Variants in CHKA observed in about 807,000 individuals in gnomAD.
The protein encoded by CHKA is choline kinase alpha.
A neutral mutation model predicts 60.1 loss-of-function variants in CHKA; 34 were observed. The observed-to-expected ratio is 0.57, with a 90% CI of 0.43 to 0.75. CHKA has a LOEUF of 0.75. CHKA is among the 30% of genes least tolerant of loss of function. The pLI is 0.00. For synonymous variants in CHKA, 217 were observed against 223.1 expected (o/e 0.97, Z 0.24); for missense variants, 563 against 561.3 (o/e 1.00, Z -0.03).
At chr11:68,113,473 G>A (rs1858257947) in intron 1 of CHKA, among the ~76,000 whole-genome samples, 1 of 152,046 alleles carries the variant, frequency 6.6e-6, no homozygotes, top group South Asian at 2.1e-4. Context: ...GAGGTGGGCA[G>A]ATCACGTGGG....
intron 1 of CHKA, among the ~76,000 whole-genome samples, chr11:68,113,568 C>T (rs867786855): frequency 4.6e-5 from 7 of 151,948 alleles, no homozygotes; most frequent in African/African-American, 2.4e-5. Context: ...TGGTGGCAGG[C>T]GCCTGTAATC....
At chr11:68,113,687 T>A (rs1858267834) in intron 1 of CHKA, among the ~76,000 whole-genome samples, 2 of 143,930 alleles carry the variant, frequency 1.4e-5, no homozygotes. Flanking sequence ...AGAGCAAGAC[T>A]CTGTCTCAAA....
chr11:68,082,671 T>C (rs745518882), intron 2 of CHKA, among the ~76,000 whole-genome samples: 5 of 152,256 alleles, frequency 3.3e-5, no homozygotes, highest in Admixed American at 6.5e-5. Flanking sequence ...AATGCATGTT[T>C]TGTATAAACA....
chr11:68,075,336 T>C (rs1361494528), intron 3 of CHKA, among the ~76,000 whole-genome samples: 1 of 152,010 alleles, frequency 6.6e-6, no homozygotes, highest in African/African-American at 2.4e-5. Flanking sequence ...GGTCTACGGC[T>C]TTCTAGTCCA....
At chr11:68,086,573 A>G (rs1857183093) in intron 2 of CHKA, among the ~76,000 whole-genome samples, 1 of 152,260 alleles carries the variant, frequency 6.6e-6, no homozygotes, top group African/African-American at 2.4e-5. Context: ...CTAAATGAAT[A>G]AAGCCCCATT....
At chr11:68,094,315 G>C (rs1196121444) in intron 2 of CHKA, among the ~76,000 whole-genome samples, 1 of 152,156 alleles carries the variant, frequency 6.6e-6, no homozygotes, top group Admixed American at 6.5e-5. Flanking sequence ...GACTAGACGG[G>C]TGCATCACTT....
At chr11:68,079,703 T>C (rs974768075) in intron 3 of CHKA, among the ~76,000 whole-genome samples, 2 of 152,178 alleles carry the variant, frequency 1.3e-5, no homozygotes, top group African/African-American at 4.8e-5. Flanking sequence ...AATAAATTCA[T>C]ATAAAATTCA....
intron 2 of CHKA, among the ~76,000 whole-genome samples, chr11:68,093,007 G>GTT (rs34534250): frequency 1.6e-4 from 22 of 139,770 alleles, no homozygotes; most frequent in African/African-American, 2.1e-4. Context: ...TTTTTTTTGG[G>GTT]TTTTTTTTTT....
intron 2 of CHKA, among the ~76,000 whole-genome samples, chr11:68,095,708 C>CAAAAAAAA (rs55959031): frequency 3.0e-4 from 4 of 13,134 alleles, no homozygotes; most frequent in East Asian, 3.0e-3. Context: ...GACTCCGTCG[C>CAAAAAAAA]AAAAAAAAAA....
intron 2 of CHKA, among the ~76,000 whole-genome samples, chr11:68,094,486 AGC>A (rs1447984501): frequency 2.0e-5 from 3 of 152,210 alleles, no homozygotes; most frequent in Non-Finnish European, 4.4e-5. Flanking sequence ...GGCTGCAGTG[AGC>A]CATGGTTGTG....
At chr11:68,067,165 C>G (rs1019378926) in intron 7 of CHKA, among the ~76,000 whole-genome samples, 1 of 152,244 alleles carries the variant, frequency 6.6e-6, no homozygotes, top group Non-Finnish European at 1.5e-5. Context: ...TGATGTTCAG[C>G]ATCTCCGACA....
rs148720469 is a variant in CHKA at position 68,115,166 on chromosome 11, TA to T, written c.350+5661del. 2.2e-4 allele frequency among the ~76,000 whole-genome samples: 33 copies of T among 152,346 alleles called. No homozygotes were observed. In the East Asian group the frequency reaches 6.0e-3, roughly 28 times the overall value. ...CTTTGCCCAACTGTAAGCTAATGTG[TA>T]AGTGTTCTGGCAAATTAAAGGTAGG... On this transcript the variant is annotated intron_variant, in intron 1 of 11. Coordinates refer to ENST00000265689, the MANE Select transcript of CHKA (RefSeq NM_001277.3).
At chr11:68,088,097 T>C (rs1390405626) in intron 2 of CHKA, among the ~76,000 whole-genome samples, 3 of 86,020 alleles carry the variant, frequency 3.5e-5, no homozygotes, top group African/African-American at 1.4e-4. Flanking sequence ...TGGGCGACAG[T>C]GGGAGGCTGT....
chr11:68,074,591 C>T, intron 4 of CHKA, 126 bp downstream of exon 4: 1 of 769,746 alleles, frequency 1.3e-6, no homozygotes, highest in Non-Finnish European at 2.3e-6. Context: ...ATTTCTGATA[C>T]AGTTTAATGA....
chr11:68,074,245 T>C (rs1001025812), intron 4 of CHKA, among the ~76,000 whole-genome samples: 5 of 152,124 alleles, frequency 3.3e-5, no homozygotes, highest in African/African-American at 9.7e-5. Flanking sequence ...ATCTAAGAAT[T>C]TGACCAGCAT....
intron 6 of CHKA, 43 bp downstream of exon 6, chr11:68,070,146 T>A: frequency 7.2e-7 from 1 of 1,385,132 alleles, no homozygotes; most frequent in Non-Finnish European, 1.0e-6. Flanking sequence ...ACAGTTTTAG[T>A]GACTAAGAAT....
intron 2 of CHKA, among the ~76,000 whole-genome samples, chr11:68,091,556 C>CCGGCCG: frequency 6.6e-6 from 1 of 152,276 alleles, no homozygotes; most frequent in Admixed American, 6.5e-5. Context: ...AGTTTGTTTC[C>CCGGCCG]GTCTCATCTT....
chr11:68,079,670 T>C (rs950956784), intron 3 of CHKA, among the ~76,000 whole-genome samples: 1 of 152,162 alleles, frequency 6.6e-6, no homozygotes, highest in Admixed American at 6.5e-5. Context: ...AAGTCTAAAA[T>C]TGGTATGAAA....
intron 1 of CHKA, among the ~76,000 whole-genome samples, chr11:68,106,291 A>C (rs1330481864): frequency 2.6e-5 from 4 of 152,194 alleles, no homozygotes; most frequent in Non-Finnish European, 5.9e-5. Flanking sequence ...TAACACCTAT[A>C]ATCAATCTCA....
Sources: allele counts gnomAD v4.1 joint callset (sites outside exome capture counted in the v4.1 genomes callset), GRCh38; gene constraint gnomAD v4.1.1; transcripts MANE v1.5; gene names NCBI Gene and HGNC (gene_info 2026-07-23, HGNC 2026-07-21).